Variants in PTPRO observed in about 807,000 individuals in gnomAD.
PTPRO encodes protein tyrosine phosphatase receptor type O.
A neutral mutation model predicts 145.2 loss-of-function variants in PTPRO; 62 were observed. That is an observed-to-expected ratio of 0.43 (90% confidence interval 0.35 to 0.53). The LOEUF is 0.53. Ranked by LOEUF, PTPRO falls within the 20% of genes least tolerant of loss-of-function variation. PTPRO has a pLI of 0.01. For missense variants in PTPRO, 1,345 were observed against 1,482.7 expected (o/e 0.91, Z 1.53); for synonymous variants, 565 against 514.7 (o/e 1.10, Z -1.32).
intron 12 of PTPRO, among the ~76,000 whole-genome samples, chr12:15,532,794 G>A (rs746734055): frequency 4.6e-5 from 7 of 152,108 alleles, no homozygotes; most frequent in South Asian, 2.1e-4. Context: ...GTAAAGGGCC[G>A]TTCAAAAACT....
intron 2 of PTPRO, among the ~76,000 whole-genome samples, chr12:15,495,862 T>C (rs1565664019): frequency 1.3e-5 from 2 of 152,146 alleles, no homozygotes. Flanking sequence ...AGTGTAATAG[T>C]TATTTATAGG....
chr12:15,404,598 C>T (rs1034503), intron 1 of PTPRO, among the ~76,000 whole-genome samples: 152,237 of 152,324 alleles, frequency 1, 76,075 homozygotes, highest in East Asian at 1. Flanking sequence ...TCTCCTTTTA[C>T]GGCATGAAGG....
chr12:15,431,116 C>CT (rs1940424328), intron 1 of PTPRO, among the ~76,000 whole-genome samples: 1 of 152,202 alleles, frequency 6.6e-6, no homozygotes, highest in South Asian at 2.1e-4. Context: ...AGCATAGGGG[C>CT]TTGTCCCAGG....
chr12:15,437,204 C>T (rs1940620445), intron 1 of PTPRO, among the ~76,000 whole-genome samples: 1 of 151,922 alleles, frequency 6.6e-6, no homozygotes, highest in East Asian at 1.9e-4. Context: ...AGCCACCTAC[C>T]CTCCTTGTGC....
Position 15,503,992 on chromosome 12 carries a change from C to T in PTPRO, c.1190C>T (p.Ser397Phe), listed in dbSNP as rs1308395616. The T allele has an allele frequency of 1.2e-6, 2 of 1,609,834 alleles. No individual in the cohort carries two copies. The highest frequency in any genetic ancestry group is 1.7e-6 in the Non-Finnish European group (2 of 1,176,296). ...ELKEPGKYKL[S>F]VTTFSSSGSC... is the part of the protein sequence containing the mutation. Reference sequence around the variant, plus strand: ...AAGGAACCTGGGAAATATAAGTTATCTGTGACAACCTTTAGTTCCTCAGGA... The same window carrying T: ...AAGGAACCTGGGAAATATAAGTTATTTGTGACAACCTTTAGTTCCTCAGGA... The change falls in exon 6 of 27, where the codon TCT (serine) becomes TTT (phenylalanine). Residue 397 changes from serine to phenylalanine, a missense_variant. Around this residue, in one of 3 missense-constraint regions of PTPRO, gnomAD observed 1,130 missense variants for 1,214.7 expected, o/e 0.93. Transcript: ENST00000281171.
chr12:15,590,299 C>T lies in PTPRO; in HGVS notation c.3546+709C>T, dbSNP rs146437897. Among the ~76,000 whole-genome samples the T allele has an allele frequency of 8.2e-3, 1,255 of 152,244 alleles. 8 individuals carry two copies. Among genetic ancestry groups the T allele is most frequent in the Non-Finnish European group, 0.012 (829 of 67,994 alleles). ...ACAGCACCGCCTGCCTCAGAGCAGC[C>T]GTGGGTGTGTACCCTTGTGGGCGCA... On this transcript the variant is annotated intron_variant, in intron 25 of 26. Transcript: ENST00000281171.
chr12:15,495,982 A>T (rs1376752956), intron 2 of PTPRO, among the ~76,000 whole-genome samples: 1 of 152,108 alleles, frequency 6.6e-6, no homozygotes, highest in East Asian at 1.9e-4. Context: ...ACATCATTTA[A>T]TTCCCTCTAG....
At chr12:15,393,799 G>A (rs895940694) in intron 1 of PTPRO, among the ~76,000 whole-genome samples, 5 of 152,086 alleles carry the variant, frequency 3.3e-5, no homozygotes, top group African/African-American at 1.2e-4. Flanking sequence ...ACCTGGGACT[G>A]GGTTATATAT....
chr12:15,571,299 T>C (rs535472533), intron 19 of PTPRO, among the ~76,000 whole-genome samples: 62 of 146,778 alleles, frequency 4.2e-4, no homozygotes, highest in Non-Finnish European at 9.1e-5. Flanking sequence ...TTGTTTTGTT[T>C]TGTTTTTTGA....
At chr12:15,583,514 G>T (rs1462652979) in intron 23 of PTPRO, among the ~76,000 whole-genome samples, 1 of 151,280 alleles carries the variant, frequency 6.6e-6, no homozygotes, top group Non-Finnish European at 1.5e-5. Context: ...AAATCAACAA[G>T]AAAAATAGTA....
intron 1 of PTPRO, among the ~76,000 whole-genome samples, chr12:15,427,839 T>C (rs926020965): frequency 2.0e-5 from 3 of 152,108 alleles, no homozygotes; most frequent in Non-Finnish European, 4.4e-5. Context: ...TTTTTTCTGT[T>C]TTAGCATTAT....
chr12:15,491,890 C>T (rs1446196908), intron 2 of PTPRO, among the ~76,000 whole-genome samples: 1 of 152,204 alleles, frequency 6.6e-6, no homozygotes, highest in East Asian at 1.9e-4. Context: ...CCACGCTAGA[C>T]AGGGCACAGA....
intron 1 of PTPRO, among the ~76,000 whole-genome samples, chr12:15,353,364 G>A (rs572125693): frequency 2.6e-5 from 4 of 151,840 alleles, no homozygotes; most frequent in African/African-American, 9.6e-5. Flanking sequence ...CAGCCATTTA[G>A]TCTGTCCCTA....
intron 1 of PTPRO, among the ~76,000 whole-genome samples, chr12:15,355,266 A>T (rs1218558027): frequency 6.6e-6 from 1 of 152,190 alleles, no homozygotes; most frequent in Non-Finnish European, 1.5e-5. Context: ...CAAAGGACTA[A>T]AAATAGTGAT....
rs546047374 is a variant in PTPRO at position 15,416,462 on chromosome 12, G to T, written c.76-67512G>T. ...AGCCTCCCGAGTAGCTGGGACTACAGGCGCCCACCACCATGCCTGGCTAAT... is the reference window on the plus strand; with the variant it reads ...AGCCTCCCGAGTAGCTGGGACTACATGCGCCCACCACCATGCCTGGCTAAT... On this transcript the variant is annotated intron_variant, in intron 1 of 26. Coordinates refer to ENST00000281171, the MANE Select transcript of PTPRO (RefSeq NM_030667.3). Among the ~76,000 whole-genome samples, 47 of 151,380 alleles carry T rather than the reference G, an allele frequency of 3.1e-4. 3 individuals are homozygous for T. The highest frequency in any genetic ancestry group is 1.2e-3 in the African/African-American group (47 of 40,834).
At chr12:15,549,911 T>TTTTTTC (rs1357937178) in intron 14 of PTPRO, among the ~76,000 whole-genome samples, 2 of 152,240 alleles carry the variant, frequency 1.3e-5, no homozygotes, top group Non-Finnish European at 2.9e-5. Context: ...GACTGTTTTC[T>TTTTTTC]TTTTTCTTTT....
chr12:15,511,130 G>A (rs1198471047), intron 7 of PTPRO, among the ~76,000 whole-genome samples: 1 of 152,272 alleles, frequency 6.6e-6, no homozygotes, highest in Non-Finnish European at 1.5e-5. Context: ...AGGGACATTG[G>A]ACTCAACTAA....
intron 1 of PTPRO, among the ~76,000 whole-genome samples, chr12:15,466,117 C>A (rs1227865281): frequency 6.6e-6 from 1 of 152,146 alleles, no homozygotes; most frequent in African/African-American, 2.4e-5. Context: ...GTACAACAAT[C>A]TAACAAGCTG....
At chr12:15,592,982 T>C (rs1944584139) in intron 25 of PTPRO, among the ~76,000 whole-genome samples, 1 of 152,206 alleles carries the variant, frequency 6.6e-6, no homozygotes, top group Non-Finnish European at 1.5e-5. Flanking sequence ...TTTATTTACT[T>C]TTCTTGTGGT....
Sources: allele counts gnomAD v4.1 joint callset (sites outside exome capture counted in the v4.1 genomes callset), GRCh38; gene constraint gnomAD v4.1.1; regional missense constraint gnomAD v4.1.1; transcripts MANE v1.5; gene names NCBI Gene and HGNC (gene_info 2026-07-23, HGNC 2026-07-21).